Variants in WDR7 observed in about 807,000 individuals in gnomAD.
WDR7 encodes the protein WD repeat-containing protein 7.
Under a neutral mutation model 169.4 loss-of-function variants are expected in WDR7, and 46 were observed. That is an observed-to-expected ratio of 0.27 (90% CI 0.21 to 0.35). The LOEUF (loss-of-function observed/expected upper bound fraction) is 0.35. Among genes scored for constraint, WDR7 ranks in the 10% least tolerant of loss-of-function variants. The pLI is 1.00. For synonymous variants in WDR7, 612 were observed against 666.8 expected (o/e 0.92, Z 1.27); for missense variants, 1,534 against 1,859.3 (o/e 0.83, Z 3.22).
At chr18:56,935,682 G>A (rs1288238950) in intron 22 of WDR7, 106 bp from the exon 23 acceptor site, 8 of 1,004,222 alleles carry the variant, frequency 8.0e-6, no homozygotes, top group South Asian at 1.3e-5. Context: ...AACTGTTTGA[G>A]TGCTCCCATT....
At chr18:56,802,725 A>G (rs1011652880) in intron 19 of WDR7, among the ~76,000 whole-genome samples, 4 of 152,104 alleles carry the variant, frequency 2.6e-5, no homozygotes, top group African/African-American at 7.2e-5. Context: ...TTAAATAAAT[A>G]TATAATTTTC....
intron 27 of WDR7, among the ~76,000 whole-genome samples, chr18:57,022,882 G>A (rs2048310589): frequency 6.6e-6 from 1 of 152,186 alleles, no homozygotes; most frequent in Non-Finnish European, 1.5e-5. Context: ...TCACATCTGT[G>A]TGCCTGGACA....
intron 19 of WDR7, among the ~76,000 whole-genome samples, chr18:56,786,468 G>T (rs368615883): frequency 8.6e-5 from 13 of 151,870 alleles, no homozygotes; most frequent in African/African-American, 3.1e-4. Flanking sequence ...GGCAGAAGTT[G>T]CAGTGAGCCA....
At chr18:56,853,290 A>G (rs1387044262) in intron 20 of WDR7, among the ~76,000 whole-genome samples, 1 of 151,998 alleles carries the variant, frequency 6.6e-6, no homozygotes, top group African/African-American at 2.4e-5. Context: ...AAATTGTGCG[A>G]TTTTGTGTCC....
In WDR7 at chr18:56,700,565, CTTTTTTT is replaced by C. The variant is rs71169389; in HGVS notation, c.1578+4119_1578+4125del. On this transcript the variant is annotated intron_variant, in intron 12 of 27. Transcript: ENST00000254442. ...CCACTGCGCCTGGCCAATATTGTTT[CTTTTTTT>C]TTTTTTTTTTTTTTTGAGACGGAGT... Among the ~76,000 whole-genome samples, 367 of 115,828 alleles carry C rather than the reference CTTTTTTT, an allele frequency of 3.2e-3. 15 individuals are homozygous for C. Among genetic ancestry groups the C allele is most frequent in the African/African-American group, 8.1e-3 (243 of 29,862 alleles). The allele number at this position is 115,828 out of a possible 152,430, so 76.0% of individuals were successfully genotyped here.
chr18:56,781,651 T>C lies in WDR7; in HGVS notation c.3185T>C (p.Ile1062Thr), dbSNP rs2044319890. Reference protein sequence around the residue: ...PYLPQYIDHVISPGVTSEAAQ... With the variant: ...PYLPQYIDHVTSPGVTSEAAQ... The stretch of plus-strand genomic sequence containing the variant: ...TTACCTCAGTACATAGACCACGTCA[T>C]ATCACGTAAGAGTTCTCATGCTTCT... The change falls in exon 19 of 28, where the codon ATA (isoleucine) becomes ACA (threonine). Residue 1062 changes from isoleucine to threonine, a missense_variant. Coordinates refer to ENST00000254442, the MANE Select transcript of WDR7 (RefSeq NM_015285.3). 1 of 1,599,890 alleles carries C rather than the reference T, an allele frequency of 6.3e-7. No homozygotes were observed. The highest frequency in any genetic ancestry group is 8.5e-7 in the Non-Finnish European group (1 of 1,173,068).
intron 13 of WDR7, among the ~76,000 whole-genome samples, chr18:56,725,423 A>C (rs2026425777): frequency 6.6e-6 from 1 of 151,666 alleles, no homozygotes; most frequent in South Asian, 2.1e-4. Flanking sequence ...GCATTTTTTC[A>C]TGTGTCTGTT....
chr18:56,884,772 T>C (rs2046163105), intron 21 of WDR7, among the ~76,000 whole-genome samples: 1 of 152,062 alleles, frequency 6.6e-6, no homozygotes, highest in African/African-American at 2.4e-5. Context: ...CACCACCTGA[T>C]CCTCCCTATA....
chr18:56,781,977 G>C (rs569861412), intron 19 of WDR7: 2 of 170,966 alleles, frequency 1.2e-5, no homozygotes, highest in South Asian at 2.0e-4. Flanking sequence ...ATGGATGCCA[G>C]CTTGTTCGAT....
Position 56,938,825 on chromosome 18 carries a change from G to GTC in WDR7, c.3981+144_3981+145insCT, listed in dbSNP as rs903391267. 3.4e-6 allele frequency: 3 copies of GTC among 884,786 alleles called. No homozygotes were observed. In the African/African-American group the frequency reaches 5.3e-5, roughly 16 times the overall value. 54.8% of individuals were successfully genotyped at this position (884,786 alleles called of 1,614,324 possible). ...AAAGAATGAGTGTGTGTGTGTGTGT[G>GTC]TGTGTGTGTGTGTGTGTAAGAGAGA... On this transcript the variant is annotated intron_variant, in intron 24 of 27. Transcript: ENST00000254442.
At chr18:56,750,621 C>T (rs983440326) in intron 14 of WDR7, among the ~76,000 whole-genome samples, 1 of 152,174 alleles carries the variant, frequency 6.6e-6, no homozygotes, top group African/African-American at 2.4e-5. Flanking sequence ...ACATACTAAG[C>T]TTCCTGCTAG....
At chr18:56,799,423 T>TTAC (rs1555693098) in intron 19 of WDR7, among the ~76,000 whole-genome samples, 2 of 151,780 alleles carry the variant, frequency 1.3e-5, no homozygotes, top group African/African-American at 2.4e-5. Flanking sequence ...ATATTTTGGT[T>TTAC]TTTTTTATTC....
chr18:56,844,627 CT>C (rs2045541044), intron 20 of WDR7, among the ~76,000 whole-genome samples: 1 of 152,220 alleles, frequency 6.6e-6, no homozygotes, highest in Non-Finnish European at 1.5e-5. Flanking sequence ...AGAGCTACCG[CT>C]CTGCAGCCAT....
chr18:56,954,861 A>G (rs367915064), intron 25 of WDR7, among the ~76,000 whole-genome samples: 8 of 152,320 alleles, frequency 5.3e-5, no homozygotes, highest in South Asian at 4.1e-4. Context: ...TAATCTAGAC[A>G]GAACAGTTAA....
Position 56,878,150 on chromosome 18 carries a change from A to G in WDR7, c.3305-1794A>G, listed in dbSNP as rs145642967. Reference sequence around the variant, plus strand: ...GGAAATTTTAAGAAGTAACATTCCTATTATGCCCTATTTATTGGTATTCTA... The same window carrying G: ...GGAAATTTTAAGAAGTAACATTCCTGTTATGCCCTATTTATTGGTATTCTA... On this transcript the variant is annotated intron_variant, in intron 20 of 27. Coordinates refer to ENST00000254442, the MANE Select transcript of WDR7 (RefSeq NM_015285.3). Among the ~76,000 whole-genome samples, 212 of 152,334 alleles carry G rather than the reference A, an allele frequency of 1.4e-3. 1 individual carries two copies. The highest frequency in any genetic ancestry group is 4.9e-3 in the African/African-American group (204 of 41,574).
At chr18:56,843,857 C>CTTTTT (rs776575088) in intron 20 of WDR7, among the ~76,000 whole-genome samples, 19 of 134,336 alleles carry the variant, frequency 1.4e-4, no homozygotes, top group Non-Finnish European at 1.6e-4. Flanking sequence ...TTTTTTCTTT[C>CTTTTT]TTTTTTTTTT....
chr18:56,659,802 G>A (rs1458326539), intron 1 of WDR7, among the ~76,000 whole-genome samples: 1 of 152,064 alleles, frequency 6.6e-6, no homozygotes, highest in African/African-American at 2.4e-5. Context: ...GTTGGCTTTT[G>A]CTATGTGTGA....
intron 13 of WDR7, among the ~76,000 whole-genome samples, chr18:56,723,705 T>C (rs1227452626): frequency 4.6e-5 from 7 of 152,118 alleles, no homozygotes; most frequent in Admixed American, 1.3e-4. Flanking sequence ...GTTATACTTA[T>C]TGGATCCGTG....
intron 20 of WDR7, among the ~76,000 whole-genome samples, chr18:56,847,624 C>T (rs1371323284): frequency 2.6e-5 from 4 of 152,272 alleles, no homozygotes; most frequent in East Asian, 1.9e-4. Context: ...AAAGACCTAG[C>T]GACCTAGAAG....
Sources: gnomAD v4.1 joint callset for allele counts (sites outside exome capture counted in the v4.1 genomes callset) on GRCh38, gnomAD v4.1.1 for gene constraint, MANE v1.5 for transcripts, NCBI Gene and HGNC (gene_info 2026-07-23, HGNC 2026-07-21) for gene names.